KIF26B: variants seen among roughly 807,000 people sequenced by gnomAD.
KIF26B encodes the protein kinesin family member 26B.
KIF26B carries 63 observed loss-of-function variants against 151.2 expected under a neutral mutation model. The observed-to-expected ratio is 0.42, with a 90% CI of 0.34 to 0.51. The LOEUF (loss-of-function observed/expected upper bound fraction) is 0.51. Ranked by LOEUF, KIF26B falls within the 20% of genes least tolerant of loss-of-function variation. The probability of loss-of-function intolerance (pLI) is 0.07; values close to 1 mark genes in which losing one functional copy is unlikely to be tolerated. For synonymous variants in KIF26B, 1,357 were observed against 1,262.1 expected (o/e 1.08, Z -1.59); for missense variants, 2,813 against 2,913.6 (o/e 0.97, Z 0.79).
chr1:245,604,949 G>A (rs1344189861), intron 6 of KIF26B, among the ~76,000 whole-genome samples: 1 of 152,194 alleles, frequency 6.6e-6, no homozygotes, highest in East Asian at 1.9e-4. Flanking sequence ...CAAAGATGAA[G>A]TCACTTGTTC....
chr1:245,613,446 T>TA (rs551760274), intron 9 of KIF26B, among the ~76,000 whole-genome samples: 115 of 151,810 alleles, frequency 7.6e-4, no homozygotes, highest in African/African-American at 2.7e-3. Context: ...CTACTAAAAA[T>TA]AAAAAAATTA....
At chr1:245,369,195 G>GAGAGAGAGAGACAGAC (rs375330671) in intron 3 of KIF26B, among the ~76,000 whole-genome samples, 1 of 129,506 alleles carries the variant, frequency 7.7e-6, no homozygotes, top group South Asian at 2.2e-4. Flanking sequence ...GAGAGAGAGA[G>GAGAGAGAGAGACAGAC]AGACAGACAG....
intron 10 of KIF26B, among the ~76,000 whole-genome samples, chr1:245,659,399 C>A (rs1246070582): frequency 2.0e-5 from 3 of 152,170 alleles, no homozygotes; most frequent in African/African-American, 7.2e-5. Context: ...CCAGAGGACA[C>A]CTTTGTGCCC....
chr1:245,645,155 G>A (rs1044396775), intron 9 of KIF26B, among the ~76,000 whole-genome samples: 1 of 151,808 alleles, frequency 6.6e-6, no homozygotes, highest in Admixed American at 6.6e-5. Context: ...CTCCCACCAG[G>A]CCCCATCTCC....
intron 2 of KIF26B, among the ~76,000 whole-genome samples, chr1:245,361,698 G>T (rs1222816656): frequency 6.6e-6 from 1 of 152,198 alleles, no homozygotes; most frequent in Non-Finnish European, 1.5e-5. Flanking sequence ...CCTCGTTGCT[G>T]TCACTACTGC....
At chr1:245,180,494 C>T (rs1668887310) in intron 2 of KIF26B, among the ~76,000 whole-genome samples, 1 of 152,220 alleles carries the variant, frequency 6.6e-6, no homozygotes, top group Non-Finnish European at 1.5e-5. Flanking sequence ...AGGTAATAAT[C>T]TCTTTTAAAA....
chr1:245,174,064 C>T (rs1261016398), intron 2 of KIF26B, among the ~76,000 whole-genome samples: 1 of 152,202 alleles, frequency 6.6e-6, no homozygotes, highest in Non-Finnish European at 1.5e-5. Context: ...GTTACTGATA[C>T]ATTACTATAA....
At position 245,698,058 on chromosome 1, in the gene KIF26B, A is replaced by T; in HGVS notation, c.5825-48A>T. 6.5e-7 allele frequency: 1 copy of T among 1,548,310 alleles called. No individual in the cohort carries two copies. The highest frequency in any genetic ancestry group is 2.3e-5 in the East Asian group (1 of 42,846). Reference sequence around the variant, plus strand: ...CCCTGTCTCAAAAAAACAACAAAAAAATTGAAATTCAGAAAGACTAACTCT... The same window carrying T: ...CCCTGTCTCAAAAAAACAACAAAAATATTGAAATTCAGAAAGACTAACTCT... On this transcript the variant is annotated intron_variant, in intron 12 of 14. Transcript: ENST00000407071. The surrounding 1 kb of genome is among the most constrained non-coding windows in gnomAD (Gnocchi z 4.0).
chr1:245,323,747 C>T (rs895301508), intron 2 of KIF26B, among the ~76,000 whole-genome samples: 5 of 152,248 alleles, frequency 3.3e-5, no homozygotes, highest in Non-Finnish European at 7.3e-5. Flanking sequence ...TCTATTTATT[C>T]GCTTATTCAC....
intron 2 of KIF26B, among the ~76,000 whole-genome samples, chr1:245,180,646 C>T (rs1302855865): frequency 1.3e-5 from 2 of 151,858 alleles, no homozygotes; most frequent in Non-Finnish European, 2.9e-5. Flanking sequence ...CAGCTGTGCT[C>T]ATGTGGTCCG....
intron 2 of KIF26B, among the ~76,000 whole-genome samples, chr1:245,171,414 CAT>C (rs1668706607): frequency 1.3e-5 from 2 of 152,120 alleles, no homozygotes; most frequent in Non-Finnish European, 1.5e-5. Flanking sequence ...TGTGGTGGCA[CAT>C]GCCTGTAATC....
At chr1:245,303,021 A>T (rs1024024848) in intron 2 of KIF26B, among the ~76,000 whole-genome samples, 1 of 148,754 alleles carries the variant, frequency 6.7e-6, no homozygotes, top group Non-Finnish European at 1.5e-5. Context: ...AAAGAAAGAA[A>T]TGGCAAATGG....
At position 245,688,821 on chromosome 1, in the gene KIF26B, C is replaced by A. The variant is rs2044580083; in HGVS notation, c.5824+14C>A. On this transcript the variant is annotated intron_variant, in intron 12 of 14. Coordinates refer to ENST00000407071, the MANE Select transcript of KIF26B (RefSeq NM_018012.4). ...GCTCCAATCCAGGTAGGCGGCTGGG[C>A]GCAGGGACGCGGGTGAGGAGGGCGG... 6.4e-7 allele frequency: 1 copy of A among 1,553,470 alleles called. No individual in the cohort carries two copies. The highest frequency in any genetic ancestry group is 8.7e-7 in the Non-Finnish European group (1 of 1,146,998).
At chr1:245,231,901 G>A (rs748080195) in intron 2 of KIF26B, among the ~76,000 whole-genome samples, 18 of 152,178 alleles carry the variant, frequency 1.2e-4, no homozygotes, top group Non-Finnish European at 2.2e-4. Flanking sequence ...AAGTATCAAA[G>A]TTATCGAAAA....
At chr1:245,180,399 G>A (rs1177692020) in intron 2 of KIF26B, among the ~76,000 whole-genome samples, 1 of 152,010 alleles carries the variant, frequency 6.6e-6, no homozygotes, top group Non-Finnish European at 1.5e-5. Flanking sequence ...CTGCAGCTTG[G>A]GCAACTTACT....
At chr1:245,660,995 T>TC (rs2044130713) in intron 10 of KIF26B, among the ~76,000 whole-genome samples, 1 of 150,618 alleles carries the variant, frequency 6.6e-6, no homozygotes, top group Admixed American at 6.6e-5. Flanking sequence ...TTTTCTTTTT[T>TC]TTTTTTTTGG....
chr1:245,324,480 G>A (rs573054673), intron 2 of KIF26B, among the ~76,000 whole-genome samples: 25 of 152,276 alleles, frequency 1.6e-4, no homozygotes, highest in African/African-American at 5.3e-4. Flanking sequence ...CCAGAGGCTC[G>A]GGAATCTCTG....
chr1:245,674,671 T>C (rs1416053961), intron 10 of KIF26B, among the ~76,000 whole-genome samples: 6 of 152,310 alleles, frequency 3.9e-5, no homozygotes, highest in African/African-American at 7.2e-5. Context: ...TTATGCTACA[T>C]TGAATAAAAA....
intron 12 of KIF26B, among the ~76,000 whole-genome samples, chr1:245,689,039 C>T (rs948035749): frequency 5.9e-5 from 9 of 152,270 alleles, no homozygotes; most frequent in East Asian, 3.9e-4. Flanking sequence ...GGGGCTCCGC[C>T]GGGGACATCA....
Sources: allele counts gnomAD v4.1 joint callset (sites outside exome capture counted in the v4.1 genomes callset), GRCh38; gene constraint gnomAD v4.1.1; non-coding constraint Gnocchi (gnomAD v3.1); transcripts MANE v1.5; gene names NCBI Gene and HGNC (gene_info 2026-07-23, HGNC 2026-07-21).